ARHGAP6: variants seen among roughly 807,000 people sequenced by gnomAD.
ARHGAP6 encodes Rho GTPase activating protein 6.
A neutral mutation model predicts 55.7 loss-of-function variants in ARHGAP6; 16 were observed. That is an observed-to-expected ratio of 0.29 (90% CI 0.19 to 0.44). The LOEUF (loss-of-function observed/expected upper bound fraction) is 0.44, where lower values mean the gene tolerates loss of function less well. Among genes scored for constraint, ARHGAP6 ranks in the 20% least tolerant of loss-of-function variants. The probability of loss-of-function intolerance (pLI) is 1.00; values close to 1 mark genes in which losing one functional copy is unlikely to be tolerated. For synonymous variants in ARHGAP6, 382 were observed against 360.9 expected (o/e 1.06, Z -0.66); for missense variants, 698 against 808.9 (o/e 0.86, Z 1.66).
chrX:11,211,822 T>C (rs1451426592), intron 2 of ARHGAP6, among the ~76,000 whole-genome samples: 1 of 112,334 alleles, frequency 8.9e-6, no homozygotes, highest in East Asian at 2.8e-4. Flanking sequence ...ATTACAGGTG[T>C]GCGCCACCTC....
chrX:11,144,337 A>T, intron 10 of ARHGAP6, 89 bp from the exon 11 acceptor site: 1 of 1,140,771 alleles, frequency 8.8e-7, no homozygotes, highest in South Asian at 1.9e-5. Flanking sequence ...AAATGACTGG[A>T]GGAGTATGCG....
At chrX:11,196,088 C>T (rs969347603) in intron 3 of ARHGAP6, among the ~76,000 whole-genome samples, 2 of 106,851 alleles carry the variant, frequency 1.9e-5, no homozygotes, top group African/African-American at 3.4e-5. Flanking sequence ...GAGCCAAGAT[C>T]GTGCCACTGC....
chrX:11,445,398 G>C (rs757027779), intron 1 of ARHGAP6, among the ~76,000 whole-genome samples: 1 of 111,857 alleles, frequency 8.9e-6, no homozygotes, highest in South Asian at 3.8e-4. Context: ...CTCTTACTGT[G>C]TCACTTTTCA....
intron 1 of ARHGAP6, among the ~76,000 whole-genome samples, chrX:11,453,006 A>G (rs2050157534): frequency 9.1e-6 from 1 of 110,216 alleles, no homozygotes; most frequent in Non-Finnish European, 1.9e-5. Flanking sequence ...TATTAAAAGC[A>G]TTTATTAAAG....
chrX:11,573,320 T>C (rs920464273), intron 1 of ARHGAP6, among the ~76,000 whole-genome samples: 32 of 109,433 alleles, frequency 2.9e-4, no homozygotes, highest in Admixed American at 3.9e-4. Context: ...TGGTTTTAGG[T>C]CTAACGTTTA....
chrX:11,344,583 C>A (rs1255635623), intron 1 of ARHGAP6, among the ~76,000 whole-genome samples: 13 of 99,313 alleles, frequency 1.3e-4, no homozygotes, highest in Non-Finnish European at 2.4e-4. Flanking sequence ...GAGGCTGAGG[C>A]AGGAGAATCA....
rs200505137 is a variant in ARHGAP6 at position 11,195,751 on chromosome X, A to T, written c.820+1174T>A. On this transcript the variant is annotated intron_variant, in intron 3 of 12. Transcript: ENST00000337414. Reference sequence around the variant, plus strand: ...GGTGATGAAATAATCTGTACAACAAACTCTTGCAACACACAATTTACCTAT... The same window carrying T: ...GGTGATGAAATAATCTGTACAACAATCTCTTGCAACACACAATTTACCTAT... 5.5e-5 allele frequency among the ~76,000 whole-genome samples: 6 copies of T among 108,199 alleles called. No individual in the cohort carries two copies. The East Asian group carries it at 1.7e-3, about 31-fold the overall frequency. The allele number at this position is 108,199 out of a possible 115,157, so 94.0% of individuals were successfully genotyped here.
At chrX:11,255,183 A>C (rs1380174517) in intron 1 of ARHGAP6, among the ~76,000 whole-genome samples, 1 of 111,635 alleles carries the variant, frequency 9.0e-6, no homozygotes, top group Non-Finnish European at 1.9e-5. Flanking sequence ...GCACATGGTG[A>C]TATTTCTATA....
intron 10 of ARHGAP6, among the ~76,000 whole-genome samples, chrX:11,147,123 T>A (rs1386135334): frequency 8.9e-6 from 1 of 112,256 alleles, no homozygotes; most frequent in East Asian, 2.8e-4. Context: ...CATACTCACA[T>A]ATACATACAT....
chrX:11,621,709 A>T (rs1431578979), intron 1 of ARHGAP6, among the ~76,000 whole-genome samples: 1 of 110,274 alleles, frequency 9.1e-6, no homozygotes, highest in East Asian at 2.8e-4. Flanking sequence ...ATGTTTAGAG[A>T]TTTTTTTTTA....
chrX:11,373,047 A>G (rs2049162659), intron 1 of ARHGAP6, among the ~76,000 whole-genome samples: 1 of 108,920 alleles, frequency 9.2e-6, no homozygotes, highest in Admixed American at 1.0e-4. Flanking sequence ...TAATAATTCT[A>G]AATTTTTAAA....
intron 1 of ARHGAP6, among the ~76,000 whole-genome samples, chrX:11,521,372 AAATG>A (rs2050924343): frequency 1.8e-5 from 2 of 112,393 alleles, no homozygotes; most frequent in South Asian, 3.7e-4. Context: ...AGCTTTCTAC[AAATG>A]GCTAGCCAGT....
chrX:11,644,563 C>A (rs1347118085), intron 1 of ARHGAP6, among the ~76,000 whole-genome samples: 1 of 110,107 alleles, frequency 9.1e-6, no homozygotes, highest in East Asian at 2.8e-4. Context: ...TAAGGATGGC[C>A]AATAAGTACA....
chrX:11,567,868 G>A (rs149985738), intron 1 of ARHGAP6, among the ~76,000 whole-genome samples: 2,661 of 110,332 alleles, frequency 0.024, 32 homozygotes, highest in Middle Eastern at 0.046. Flanking sequence ...TGTAGATACA[G>A]GATCTAGCCA....
intron 1 of ARHGAP6, among the ~76,000 whole-genome samples, chrX:11,456,750 A>G (rs2050197526): frequency 1.8e-5 from 2 of 112,633 alleles, no homozygotes; most frequent in South Asian, 3.7e-4. Context: ...GTTCAACATA[A>G]TTAATTCAGA....
chrX:11,145,178 C>G (rs1292298158), intron 10 of ARHGAP6: 1 of 112,522 alleles, frequency 8.9e-6, no homozygotes, highest in Non-Finnish European at 1.9e-5. Context: ...ATCTTTTCCC[C>G]CTTACTTCAC....
At chrX:11,197,972 T>C (rs2046564721) in intron 2 of ARHGAP6, among the ~76,000 whole-genome samples, 1 of 111,323 alleles carries the variant, frequency 9.0e-6, no homozygotes, top group Non-Finnish European at 1.9e-5. Context: ...AAACATATGG[T>C]GAAAAAAATG....
chrX:11,450,069 C>T (rs2050129604), intron 1 of ARHGAP6, among the ~76,000 whole-genome samples: 1 of 111,621 alleles, frequency 9.0e-6, no homozygotes, highest in East Asian at 2.8e-4. Flanking sequence ...ATACCAACAA[C>T]AAGGCAGTTT....
At chrX:11,388,336 G>A (rs1413172220) in intron 1 of ARHGAP6, among the ~76,000 whole-genome samples, 1 of 111,776 alleles carries the variant, frequency 8.9e-6, no homozygotes, top group African/African-American at 3.3e-5. Context: ...GTGTCTTTTG[G>A]CTGCATAAAT....
Sources: gnomAD v4.1 joint callset for allele counts (sites outside exome capture counted in the v4.1 genomes callset) on GRCh38, gnomAD v4.1.1 for gene constraint, MANE v1.5 for transcripts, NCBI Gene and HGNC (gene_info 2026-07-23, HGNC 2026-07-21) for gene names.